The following FAM3B variants were observed in gnomAD, a reference collection of about 807,000 sequenced individuals.
FAM3B encodes the protein protein FAM3B.
A neutral mutation model predicts 28.4 loss-of-function variants in FAM3B; 29 were observed. That is an observed-to-expected ratio of 1.02 (90% CI 0.76 to 1.39). FAM3B has a LOEUF of 1.39. Ranked by LOEUF, FAM3B falls within the 40% of genes most tolerant of loss-of-function variation. FAM3B has a pLI of 0.00. For synonymous variants in FAM3B, 91 were observed against 103.0 expected, an observed-to-expected ratio of 0.88 and a Z score of 0.71; for missense variants, 266 against 293.9, an observed-to-expected ratio of 0.91 and a Z score of 0.69.
intron 1 of FAM3B, among the ~76,000 whole-genome samples, chr21:41,318,735 GA>G (rs1317068940): frequency 6.6e-6 from 1 of 152,212 alleles, no homozygotes; most frequent in Non-Finnish European, 1.5e-5. Context: ...CGTTCAGGTT[GA>G]AGGAAATCCC....
rs912343817 is a variant in FAM3B at position 41,348,514 on chromosome 21, G to A, written c.486-78G>A. 4.1e-5 allele frequency: 64 copies of A among 1,563,390 alleles called. No individual in the cohort carries two copies. In the African/African-American group the frequency reaches 6.8e-4, roughly 17 times the overall value. On this transcript the variant is annotated intron_variant, in intron 6 of 7. Transcript: ENST00000357985. ...AAACCTCCATCCAAGGATGCACAGC[G>A]TAACACATCCAGAGCAGAGTTCCTC...
chr21:41,317,748 C>T (rs1317430865), intron 1 of FAM3B, among the ~76,000 whole-genome samples: 1 of 152,170 alleles, frequency 6.6e-6, no homozygotes, highest in Non-Finnish European at 1.5e-5. Flanking sequence ...GGGTGTTGGA[C>T]TGAACCATCG....
chr21:41,331,535 C>G (rs1289060049), intron 2 of FAM3B, among the ~76,000 whole-genome samples: 1 of 151,960 alleles, frequency 6.6e-6, no homozygotes, highest in East Asian at 1.9e-4. Flanking sequence ...GGAGCTTTTC[C>G]CTTATATTTT....
At chr21:41,311,252 ATATATAT>A (rs1324613666) in intron 1 of FAM3B, among the ~76,000 whole-genome samples, 169 of 21,544 alleles carry the variant, frequency 7.8e-3, no homozygotes, top group East Asian at 0.021. Context: ...AAAAAAAAAA[ATATATAT>A]ATATATATAT....
intron 1 of FAM3B, among the ~76,000 whole-genome samples, chr21:41,322,128 A>G (rs538450120): frequency 4.8e-4 from 73 of 152,122 alleles, no homozygotes; most frequent in Non-Finnish European, 9.4e-4. Context: ...GATCTATGCT[A>G]TATTTAGGGA....
intron 3 of FAM3B, among the ~76,000 whole-genome samples, chr21:41,343,516 G>C (rs1483812168): frequency 6.6e-6 from 1 of 152,134 alleles, no homozygotes; most frequent in East Asian, 1.9e-4. Flanking sequence ...CTGTCAAAAA[G>C]CACTAAGCCT....
At chr21:41,333,053 G>A (rs1342259693) in intron 2 of FAM3B, among the ~76,000 whole-genome samples, 1 of 146,160 alleles carries the variant, frequency 6.8e-6, no homozygotes, top group Non-Finnish European at 1.5e-5. Flanking sequence ...TTTTTTTAAT[G>A]TACGCATTTA....
chr21:41,308,238 C>G (rs2088691803), intron 1 of FAM3B, among the ~76,000 whole-genome samples: 1 of 152,146 alleles, frequency 6.6e-6, no homozygotes, highest in Non-Finnish European at 1.5e-5. Flanking sequence ...TTCAAGGTAC[C>G]TTCTCTCCAT....
chr21:41,306,012 G>T (rs2088680967), intron 1 of FAM3B, among the ~76,000 whole-genome samples: 1 of 152,228 alleles, frequency 6.6e-6, no homozygotes, highest in African/African-American at 2.4e-5. Context: ...CGAAGTTTAT[G>T]TAGTATTCTC....
chr21:41,349,047 G>A (rs561153256), intron 7 of FAM3B, among the ~76,000 whole-genome samples: 1 of 152,170 alleles, frequency 6.6e-6, no homozygotes, highest in Non-Finnish European at 1.5e-5. Flanking sequence ...CACCTCTTAG[G>A]ATGGCTGAGA....
Position 41,338,412 on chromosome 21 carries a change from G to T in FAM3B, c.198G>T (p.Trp66Cys), listed in dbSNP as rs1253061762. 3 of 1,614,160 alleles carry T rather than the reference G, an allele frequency of 1.9e-6. No individual in the cohort carries two copies. In the Admixed American group the frequency reaches 5.0e-5, roughly 27 times the overall value. ...CCAAAAGGCAAAAATGTGACCACTG[G>T]ACTCCCTGCCCATCTGACACCTATG... Reference protein sequence around the residue: ...PVPKRQKCDHWTPCPSDTYAY... With the variant: ...PVPKRQKCDHCTPCPSDTYAY... The change falls in exon 3 of 8, where the codon TGG (tryptophan) becomes TGT (cysteine). Residue 66 changes from tryptophan (W) to cysteine (C), a missense_variant. Transcript: ENST00000357985.
At chr21:41,336,637 T>A (rs995140117) in intron 2 of FAM3B, among the ~76,000 whole-genome samples, 5 of 152,230 alleles carry the variant, frequency 3.3e-5, no homozygotes, top group African/African-American at 1.2e-4. Context: ...TTAAAAAATT[T>A]TCTGCCTCGC....
At chr21:41,345,235 G>A (rs940797999) in intron 4 of FAM3B, among the ~76,000 whole-genome samples, 17 of 150,158 alleles carry the variant, frequency 1.1e-4, no homozygotes, top group African/African-American at 3.4e-4. Flanking sequence ...GGGAAGAGGC[G>A]GGTGGGCCTG....
At chr21:41,331,896 T>A (rs566511986) in intron 2 of FAM3B, among the ~76,000 whole-genome samples, 5 of 152,326 alleles carry the variant, frequency 3.3e-5, no homozygotes, top group South Asian at 4.1e-4. Context: ...GTAATCACAT[T>A]ATTGATTTGT....
At chr21:41,319,032 G>A (rs1331441734) in intron 1 of FAM3B, among the ~76,000 whole-genome samples, 1 of 152,166 alleles carries the variant, frequency 6.6e-6, no homozygotes, top group Non-Finnish European at 1.5e-5. Context: ...AGCTGAGAGT[G>A]CAGGCACATG....
chr21:41,308,322 G>A (rs1288335227), intron 1 of FAM3B, among the ~76,000 whole-genome samples: 2 of 151,786 alleles, frequency 1.3e-5, no homozygotes, highest in Non-Finnish European at 2.9e-5. Flanking sequence ...AAGAAGCCAG[G>A]CTCAGAGAGG....
intron 1 of FAM3B, among the ~76,000 whole-genome samples, chr21:41,317,524 C>T (rs1329152223): frequency 6.6e-6 from 1 of 152,166 alleles, no homozygotes; most frequent in Non-Finnish European, 1.5e-5. Context: ...CTGTCACAGA[C>T]CATCTCGGGT....
Position 41,357,254 on chromosome 21 carries a change from C to G in FAM3B, c.*57C>G. The G allele has an allele frequency of 1.6e-6, 2 of 1,244,704 alleles. No homozygotes were observed. The highest frequency in any genetic ancestry group is 5.0e-5 in the East Asian group (2 of 40,366). 77.1% of individuals were successfully genotyped at this position (1,244,704 alleles called of 1,614,324 possible). On this transcript the variant is annotated 3_prime_UTR_variant, in exon 8 of 8. Transcript: ENST00000357985. ...ATAAACAAATGCAGCTGGAATCGCT[C>G]AAGAATCTTATTTTTCTAAATCCAA...
rs376707862 is a variant in FAM3B, at chr21:41,357,198, C to T, written c.*1C>T. On this transcript the variant is annotated 3_prime_UTR_variant, in exon 8 of 8. Transcript: ENST00000357985. ...CTGCATACCCAAAGAACGAAGCTGA[C>T]ACTGCAGGGTCCTGAGTAAATGTGT... The T allele has an allele frequency of 6.2e-7, 1 of 1,606,624 alleles. No homozygotes were observed. The highest frequency in any genetic ancestry group is 1.7e-4 in the Middle Eastern group (1 of 6,048).
Sources: allele counts gnomAD v4.1 joint callset (sites outside exome capture counted in the v4.1 genomes callset), GRCh38; gene constraint gnomAD v4.1.1; transcripts MANE v1.5; gene names NCBI Gene and HGNC (gene_info 2026-07-23, HGNC 2026-07-21).